The following ABL1 variants were observed in gnomAD, a reference collection of about 807,000 sequenced individuals.
ABL1 encodes ABL proto-oncogene 1, non-receptor tyrosine kinase.
ABL1 carries 11 observed loss-of-function variants against 94.7 expected under a neutral mutation model. That is an observed-to-expected ratio of 0.12 (90% confidence interval 0.07 to 0.19). ABL1 has a LOEUF of 0.19. Ranked by LOEUF, ABL1 falls within the 10% of genes least tolerant of loss-of-function variation. The probability of loss-of-function intolerance (pLI) is 1.00; values close to 1 mark genes in which losing one functional copy is unlikely to be tolerated. For missense variants in ABL1, 1,082 were observed against 1,489.4 expected, an observed-to-expected ratio of 0.73 and a Z score of 4.50; for synonymous variants, 656 against 622.4, an observed-to-expected ratio of 1.05 and a Z score of -0.80.
At chr9:130,875,277 G>A (rs574955220) in intron 7 of ABL1, among the ~76,000 whole-genome samples, 2 of 152,110 alleles carry the variant, frequency 1.3e-5, no homozygotes, top group African/African-American at 2.4e-5. Flanking sequence ...GAGTAGCTGG[G>A]ATTATAGGCA....
intron 1 of ABL1, among the ~76,000 whole-genome samples, chr9:130,786,009 C>G (rs963947689): frequency 2.0e-5 from 3 of 150,812 alleles, no homozygotes; most frequent in Non-Finnish European, 4.4e-5. Context: ...ACAGAAAGGC[C>G]AATCCCAATA....
intron 1 of ABL1, among the ~76,000 whole-genome samples, chr9:130,743,949 T>G (rs1163855651): frequency 6.6e-6 from 1 of 152,142 alleles, no homozygotes; most frequent in Admixed American, 6.6e-5. Flanking sequence ...ATTGAGGGAT[T>G]GGAAGCGGGT....
intron 4 of ABL1, among the ~76,000 whole-genome samples, chr9:130,869,361 C>A (rs1831213519): frequency 6.6e-6 from 1 of 152,190 alleles, no homozygotes; most frequent in Admixed American, 6.5e-5. Flanking sequence ...TGGCCTCATG[C>A]CAGGAACTGC....
At chr9:130,874,002 G>C (rs749326583) in intron 6 of ABL1, among the ~76,000 whole-genome samples, 27 of 152,204 alleles carry the variant, frequency 1.8e-4, no homozygotes, top group Non-Finnish European at 5.9e-5. Context: ...CTTGACTTCT[G>C]GTTTGCCTGG....
At chr9:130,746,138 T>C (rs954071789) in intron 1 of ABL1, among the ~76,000 whole-genome samples, 6 of 152,108 alleles carry the variant, frequency 3.9e-5, no homozygotes, top group Admixed American at 6.5e-5. Flanking sequence ...CACTGCTGCT[T>C]ATTTCCAAGC....
intron 1 of ABL1, among the ~76,000 whole-genome samples, chr9:130,761,967 AC>A (rs1339332606): frequency 6.6e-6 from 1 of 151,610 alleles, no homozygotes; most frequent in African/African-American, 2.4e-5. Flanking sequence ...ACGTGGGGAA[AC>A]CCCCGTCTCT....
intron 3 of ABL1, among the ~76,000 whole-genome samples, chr9:130,858,909 T>C (rs1003775174): frequency 6.6e-6 from 1 of 152,144 alleles, no homozygotes; most frequent in Non-Finnish European, 1.5e-5. Context: ...TCAGCAGCCC[T>C]TGTGGGTCAT....
Position 130,868,555 on chromosome 9 carries a change from G to T in ABL1, c.823-3574G>T, listed in dbSNP as rs371100625. Among the ~76,000 whole-genome samples, 137 of 85,918 alleles carry T rather than the reference G, an allele frequency of 1.6e-3. 1 individual carries two copies. The highest frequency in any genetic ancestry group is 3.9e-3 in the African/African-American group (93 of 23,970). The allele number at this position is 85,918 out of a possible 152,430, so 56.4% of individuals were successfully genotyped here. A position where few individuals can be genotyped will look rare whatever the true frequency, so the allele number is the denominator to read the frequency against. ...TTTTTTTTTTTTCAGACAGAGTTTT[G>T]CCCAGTAGTTCAGGCTGGAGTGCAG... On this transcript the variant is annotated intron_variant, in intron 4 of 10. Coordinates refer to ENST00000318560, the MANE Select transcript of ABL1 (RefSeq NM_005157.6).
intron 1 of ABL1, among the ~76,000 whole-genome samples, chr9:130,721,577 G>T (rs1831514341): frequency 6.6e-6 from 1 of 152,030 alleles, no homozygotes; most frequent in Admixed American, 6.5e-5. Flanking sequence ...GGGCGTGGTG[G>T]TACACGCCTG....
intron 1 of ABL1, among the ~76,000 whole-genome samples, chr9:130,800,626 A>G (rs996843546): frequency 7.9e-5 from 12 of 152,196 alleles, no homozygotes; most frequent in Non-Finnish European, 1.6e-4. Flanking sequence ...TATGAATGGA[A>G]CCATATAAAA....
At chr9:130,849,959 A>G (rs1284837922) in intron 1 of ABL1, among the ~76,000 whole-genome samples, 2 of 152,184 alleles carry the variant, frequency 1.3e-5, no homozygotes, top group East Asian at 1.9e-4. Context: ...TTTTTCTAAT[A>G]TAATGACAGT....
intron 1 of ABL1, among the ~76,000 whole-genome samples, chr9:130,745,536 TCTC>T (rs961712616): frequency 1.5e-4 from 23 of 151,512 alleles, no homozygotes; most frequent in African/African-American, 5.6e-4. Flanking sequence ...TCTCTCTCCC[TCTC>T]CTCTGCTTGC....
At chr9:130,840,306 T>G (rs535240051) in intron 1 of ABL1, among the ~76,000 whole-genome samples, 2 of 152,366 alleles carry the variant, frequency 1.3e-5, no homozygotes, top group Admixed American at 1.3e-4. Flanking sequence ...GCACCCTCTG[T>G]TATTCCCGTA....
rs71389345 is a variant in ABL1 at position 130,750,644 on chromosome 9, C to CTTTTTTTTT, written c.136+36201_136+36209dup. Among the ~76,000 whole-genome samples, 37 of 87,292 alleles carry CTTTTTTTTT rather than the reference C, an allele frequency of 4.2e-4. 1 individual carries two copies. The highest frequency in any genetic ancestry group is 1.4e-3 in the African/African-American group (28 of 20,534). The allele number at this position is 87,292 out of a possible 152,430, so 57.3% of individuals were successfully genotyped here. ...TTCTTTTTCTTTTTTCTTTTTCTTTCTTTTTTTTTTTTTTTTTTTTGAGAC... is the reference window on the plus strand; with the variant it reads ...TTCTTTTTCTTTTTTCTTTTTCTTTCTTTTTTTTTTTTTTTTTTTTTTTTTTTTTGAGAC... On this transcript the variant is annotated intron_variant, in intron 1 of 10. Coordinates refer to the ABL1 transcript ENST00000372348.
At chr9:130,868,485 C>T (rs1831194052) in intron 4 of ABL1, among the ~76,000 whole-genome samples, 1 of 150,870 alleles carries the variant, frequency 6.6e-6, no homozygotes, top group African/African-American at 2.4e-5. Context: ...TACACAGAAA[C>T]TGCTGGAAGG....
At chr9:130,875,805 T>TCCTCCCCTCTC (rs1176065415) in intron 7 of ABL1, among the ~76,000 whole-genome samples, 2 of 151,960 alleles carry the variant, frequency 1.3e-5, no homozygotes, top group Non-Finnish European at 2.9e-5. Flanking sequence ...TTCCTTCCTT[T>TCCTCCCCTCTC]CCTCCCCTCT....
chr9:130,762,079 T>G (rs1225958975), intron 1 of ABL1, among the ~76,000 whole-genome samples: 1 of 149,676 alleles, frequency 6.7e-6, no homozygotes, highest in Non-Finnish European at 1.5e-5. Flanking sequence ...GGAGGCGAAG[T>G]TTGTGGGGAC....
Position 130,886,592 on chromosome 9 carries a change from C to G in ABL1, c.*909C>G, listed in dbSNP as rs905761641. 2.1e-5 allele frequency: 5 copies of G among 233,494 alleles called. No individual in the cohort carries two copies. The highest frequency in any genetic ancestry group is 1.1e-4 in the African/African-American group (5 of 45,352). 14.5% of individuals were successfully genotyped at this position (233,494 alleles called of 1,614,324 possible). A position where few individuals can be genotyped will look rare whatever the true frequency, so the allele number is the denominator to read the frequency against. On this transcript the variant is annotated 3_prime_UTR_variant, in exon 11 of 11. Coordinates refer to ENST00000318560, the MANE Select transcript of ABL1 (RefSeq NM_005157.6). Reference sequence around the variant, plus strand: ...ACAGCTGGTGCCAAATAGCCCCAGACTGGGCCCAGGCAGGTCTGCAAGGGC... The same window carrying G: ...ACAGCTGGTGCCAAATAGCCCCAGAGTGGGCCCAGGCAGGTCTGCAAGGGC...
chr9:130,874,045 G>A (rs917174662), intron 6 of ABL1, among the ~76,000 whole-genome samples: 1 of 152,152 alleles, frequency 6.6e-6, no homozygotes, highest in Non-Finnish European at 1.5e-5. Flanking sequence ...TCATTCAAGC[G>A]AACTTAAAAT....
Sources: allele counts gnomAD v4.1 joint callset (sites outside exome capture counted in the v4.1 genomes callset), GRCh38; gene constraint gnomAD v4.1.1; transcripts MANE v1.5; gene names NCBI Gene and HGNC (gene_info 2026-07-23, HGNC 2026-07-21).